Variants in SNRNP70 observed in about 807,000 individuals in gnomAD.
SNRNP70 encodes the protein U1 small nuclear ribonucleoprotein 70 kDa.
Under a neutral mutation model 50.5 loss-of-function variants are expected in SNRNP70, and 8 were observed. The ratio of observed to expected loss-of-function variants is 0.16; its 90% CI spans 0.09 to 0.29. The LOEUF (loss-of-function observed/expected upper bound fraction) is 0.29. Ranked by LOEUF, SNRNP70 falls within the 10% of genes least tolerant of loss-of-function variation. The pLI, the probability that SNRNP70 is intolerant of heterozygous loss-of-function variation, is 1.00. For missense variants in SNRNP70, 529 were observed against 663.5 expected (o/e 0.80, Z 2.23); for synonymous variants, 320 against 252.9 (o/e 1.27, Z -2.52).
At chr19:49,088,817 G>A (rs1337028818) in intron 2 of SNRNP70, among the ~76,000 whole-genome samples, 1 of 152,062 alleles carries the variant, frequency 6.6e-6, no homozygotes, top group Non-Finnish European at 1.5e-5. Context: ...TTTAATGTGT[G>A]GTTGATGAGA....
At chr19:49,094,493 C>T (rs1038177119) in intron 4 of SNRNP70, among the ~76,000 whole-genome samples, 4 of 151,950 alleles carry the variant, frequency 2.6e-5, no homozygotes, top group African/African-American at 7.3e-5. Flanking sequence ...AGCAAGACTC[C>T]GTCTCAAAAA....
At chr19:49,098,370 T>A in intron 4 of SNRNP70, 57 bp from the exon 5 acceptor site, 1 of 1,397,194 alleles carries the variant, frequency 7.2e-7, no homozygotes, top group Admixed American at 1.9e-5. Context: ...CGTATTTGTT[T>A]TGCTACCTGA....
chr19:49,104,234 C>T lies in SNRNP70; in HGVS notation c.476-400C>T, dbSNP rs936142948. 1 of 175,520 alleles carries T rather than the reference C, an allele frequency of 5.7e-6. No homozygotes were observed. The highest frequency in any genetic ancestry group is 2.4e-5 in the African/African-American group (1 of 41,928). The allele number at this position is 175,520 out of a possible 1,614,324, so 10.9% of individuals were successfully genotyped here. A position where few individuals can be genotyped will look rare whatever the true frequency, so the allele number is the denominator to read the frequency against. On this transcript the variant is annotated intron_variant, in intron 7 of 9. Coordinates refer to ENST00000598441, the MANE Select transcript of SNRNP70 (RefSeq NM_003089.6). This position sits in a 1 kb window ranked among gnomAD's most constrained non-coding sequence, Gnocchi z 5.4. ...CCGGCTTGGTGTCTCAGGGTGCATG[C>T]TTGGGGTTGTGGAGGAGCCCCCTCC... is the stretch of plus-strand genomic sequence containing the variant.
intron 2 of SNRNP70, among the ~76,000 whole-genome samples, chr19:49,088,954 C>T (rs1411836136): frequency 6.6e-6 from 1 of 152,190 alleles, no homozygotes; most frequent in East Asian, 1.9e-4. Flanking sequence ...CCTGCCATCA[C>T]TCCACTCCCA....
At chr19:49,087,661 A>G (rs1181779615) in intron 2 of SNRNP70, 1 of 152,256 alleles carries the variant, frequency 6.6e-6, no homozygotes, top group African/African-American at 2.4e-5. Flanking sequence ...ATCAGAGCAC[A>G]CCTGAGAAAA....
intron 4 of SNRNP70, among the ~76,000 whole-genome samples, chr19:49,091,725 G>A (rs1301110069): frequency 6.6e-6 from 1 of 152,128 alleles, no homozygotes; most frequent in Non-Finnish European, 1.5e-5. Context: ...TTACGCAGAA[G>A]CGTGACAGAG....
rs748579727 is a variant in SNRNP70 at position 49,108,460 on chromosome 19, A to C, written c.*17A>C. On this transcript the variant is annotated 3_prime_UTR_variant, in exon 10 of 10. Transcript: ENST00000598441. ...CCGGAGTGAAGAGGTCGTCCTCTCC[A>C]TCTGCTGTGTTTGGACGCGTTCCTG... 2 of 1,579,654 alleles carry C rather than the reference A, an allele frequency of 1.3e-6. No homozygotes were observed. Among genetic ancestry groups the C allele is most frequent in the Non-Finnish European group, 1.7e-6 (2 of 1,163,982 alleles).
In SNRNP70 at chr19:49,093,691, AAC is replaced by A. The variant is rs1491026401; in HGVS notation, c.265+3173_265+3174del. The stretch of plus-strand genomic sequence containing the variant: ...AAGATTCCATCTCAAAAAAAAAAAA[AAC>A]AAAAAAAAAAACAGTTCCAGGCCAG... On this transcript the variant is annotated intron_variant, in intron 4 of 9. Transcript: ENST00000598441. Among the ~76,000 whole-genome samples the A allele has an allele frequency of 1.3e-4, 18 of 142,856 alleles. 2 individuals are homozygous for A. The highest frequency in any genetic ancestry group is 1.6e-4 in the Non-Finnish European group (10 of 63,934). The allele number at this position is 142,856 out of a possible 152,430, so 93.7% of individuals were successfully genotyped here.
At chr19:49,086,647 C>T (rs1294835927) in intron 2 of SNRNP70, 86 bp downstream of exon 2, 16 of 1,293,544 alleles carry the variant, frequency 1.2e-5, no homozygotes, top group Admixed American at 3.5e-5. Flanking sequence ...GCCATTTTGC[C>T]AGCTGCGTGA....
intron 2 of SNRNP70, among the ~76,000 whole-genome samples, chr19:49,087,426 CA>C (rs535701412): frequency 1.3e-5 from 2 of 152,276 alleles, no homozygotes; most frequent in South Asian, 2.1e-4. Context: ...TGGCACCAAG[CA>C]GTCAGCACAT....
At chr19:49,094,787 C>T (rs1339528719) in intron 4 of SNRNP70, among the ~76,000 whole-genome samples, 1 of 152,228 alleles carries the variant, frequency 6.6e-6, no homozygotes, top group African/African-American at 2.4e-5. Context: ...GTGTTACTGA[C>T]TTTCTCACAG....
At chr19:49,093,671 T>C (rs1600276900) in intron 4 of SNRNP70, among the ~76,000 whole-genome samples, 5 of 78,522 alleles carry the variant, frequency 6.4e-5, no homozygotes, top group African/African-American at 2.0e-4. Context: ...AGAACAAGAT[T>C]CCATCTCAAA....
intron 4 of SNRNP70, among the ~76,000 whole-genome samples, chr19:49,093,818 AC>A (rs1442754715): frequency 2.0e-5 from 3 of 151,674 alleles, no homozygotes; most frequent in African/African-American, 7.3e-5. Context: ...ACATGGTGAA[AC>A]CCCATCTCTA....
At chr19:49,103,621 T>TA (rs1469323848) in intron 7 of SNRNP70, 1 of 152,202 alleles carries the variant, frequency 6.6e-6, no homozygotes, top group Non-Finnish European at 1.5e-5. Context: ...CTCTGGTTGT[T>TA]ATTTGGGGGG....
chr19:49,105,940 T>G (rs1161811129), intron 8 of SNRNP70, among the ~76,000 whole-genome samples: 2 of 152,104 alleles, frequency 1.3e-5, no homozygotes, highest in African/African-American at 4.8e-5. Context: ...ATTGACTCAG[T>G]GTTGGGCCTG....
chr19:49,090,747 T>C (rs2040437589), intron 4 of SNRNP70: 18 of 573,370 alleles, frequency 3.1e-5, no homozygotes, highest in Non-Finnish European at 5.6e-5. Context: ...CCTGGTACCT[T>C]GGGCTCCTCC....
At chr19:49,093,913 C>T (rs907810039) in intron 4 of SNRNP70, among the ~76,000 whole-genome samples, 2 of 151,950 alleles carry the variant, frequency 1.3e-5, no homozygotes, top group African/African-American at 2.4e-5. Context: ...ATCCCAGCTA[C>T]TCGGGAGGCT....
At position 49,107,491 on chromosome 19, in the gene SNRNP70, C is replaced by T; in HGVS notation, c.578-134C>T. The T allele has an allele frequency of 3.9e-6, 3 of 760,442 alleles. No homozygotes were observed. The highest frequency in any genetic ancestry group is 4.5e-6 in the Non-Finnish European group (2 of 448,896). 47.1% of individuals were successfully genotyped at this position (760,442 alleles called of 1,614,324 possible). A position where few individuals can be genotyped will look rare whatever the true frequency, so the allele number is the denominator to read the frequency against. ...ATGGGAGTGCGCGGGATGAACTGCA[C>T]GGGGGGACCCGGCCCTGTGAACACT... On this transcript the variant is annotated intron_variant, in intron 8 of 9. Transcript: ENST00000598441. This position sits in a 1 kb window ranked among gnomAD's most constrained non-coding sequence, Gnocchi z 6.0.
intron 6 of SNRNP70, 33 bp from the exon 7 acceptor site, chr19:49,101,357 C>CAG (rs1239607523): frequency 1.3e-6 from 2 of 1,571,670 alleles, no homozygotes; most frequent in Admixed American, 3.3e-5. Flanking sequence ...CGCCCTGTGG[C>CAG]AGGACTCACC....
Sources: gnomAD v4.1 joint callset for allele counts (sites outside exome capture counted in the v4.1 genomes callset) on GRCh38, gnomAD v4.1.1 for gene constraint, Gnocchi (gnomAD v3.1) non-coding constraint, MANE v1.5 for transcripts, NCBI Gene and HGNC (gene_info 2026-07-23, HGNC 2026-07-21) for gene names.